EYS: variants seen among roughly 807,000 people sequenced by gnomAD.
EYS encodes the protein protein eyes shut homolog.
Under a neutral mutation model 282.1 loss-of-function variants are expected in EYS, and 250 were observed. The observed-to-expected ratio is 0.89, with a 90% confidence interval of 0.80 to 0.98. The LOEUF is 0.98. Among genes scored for constraint, EYS ranks in the 50% least tolerant of loss-of-function variants. EYS has a pLI of 0.00. For synonymous variants in EYS, 1,355 were observed against 1,282.9 expected (o/e 1.06, Z -1.20); for missense variants, 4,016 against 3,709.0 (o/e 1.08, Z -2.15).
intron 12 of EYS, among the ~76,000 whole-genome samples, chr6:65,118,109 T>G (rs1775431811): frequency 6.6e-6 from 1 of 152,206 alleles, no homozygotes; most frequent in Non-Finnish European, 1.5e-5. Context: ...GAAAGTTAAC[T>G]GAGATTCAAA....
chr6:64,264,912 A>G (rs1037848274), intron 30 of EYS, among the ~76,000 whole-genome samples: 3 of 152,102 alleles, frequency 2.0e-5, no homozygotes, highest in Non-Finnish European at 4.4e-5. Flanking sequence ...AAAAAACAAA[A>G]AAGAAAAGAG....
intron 26 of EYS, among the ~76,000 whole-genome samples, chr6:64,522,527 G>A (rs939875426): frequency 6.6e-6 from 1 of 151,680 alleles, no homozygotes; most frequent in Admixed American, 6.6e-5. Context: ...GAATGTATCT[G>A]TATGGTCTTT....
chr6:63,807,961 G>T (rs1770947530), intron 36 of EYS, among the ~76,000 whole-genome samples: 1 of 152,068 alleles, frequency 6.6e-6, no homozygotes, highest in African/African-American at 2.4e-5. Flanking sequence ...TACTAAAATA[G>T]AAAAGGAATG....
Position 64,081,836 on chromosome 6 carries a change from G to A in EYS, c.6571+20C>T, listed in dbSNP as rs755852518. ...GAGAAAGAAACATGACATACAAGAA[G>A]TCAAACATTTAATACTCACTGTAAA... On this transcript the variant is annotated intron_variant, in intron 32 of 42. Transcript: ENST00000503581. The A allele has an allele frequency of 7.6e-6, 11 of 1,455,458 alleles. No individual in the cohort carries two copies. In the African/African-American group the frequency reaches 1.0e-4, roughly 13 times the overall value. The allele number at this position is 1,455,458 out of a possible 1,614,324, so 90.2% of individuals were successfully genotyped here.
At chr6:64,804,480 C>A (rs1196878514) in intron 22 of EYS, among the ~76,000 whole-genome samples, 1 of 152,068 alleles carries the variant, frequency 6.6e-6, no homozygotes, top group East Asian at 1.9e-4. Flanking sequence ...GGTAATTATG[C>A]CAAACAAACT....
At chr6:65,112,680 C>A (rs945831990) in intron 12 of EYS, among the ~76,000 whole-genome samples, 6 of 152,086 alleles carry the variant, frequency 3.9e-5, no homozygotes, top group African/African-American at 7.2e-5. Context: ...TGTAGCAGTG[C>A]AGTTTCTGGG....
At chr6:65,136,703 C>T (rs539195379) in intron 12 of EYS, among the ~76,000 whole-genome samples, 13 of 152,022 alleles carry the variant, frequency 8.6e-5, no homozygotes, top group South Asian at 4.1e-4. Flanking sequence ...CTTCCTTTTT[C>T]GAGACAGGAT....
intron 13 of EYS, among the ~76,000 whole-genome samples, chr6:65,048,782 G>C (rs1245947796): frequency 6.6e-6 from 1 of 151,748 alleles, no homozygotes; most frequent in Non-Finnish European, 1.5e-5. Context: ...CTAGGAAACT[G>C]AACATCATTT....
At chr6:64,192,775 G>C (rs907979539) in intron 31 of EYS, among the ~76,000 whole-genome samples, 1 of 152,168 alleles carries the variant, frequency 6.6e-6, no homozygotes, top group Non-Finnish European at 1.5e-5. Context: ...TTTTAAGTCA[G>C]ACCCACTTGG....
At position 63,999,106 on chromosome 6, in the gene EYS, T is replaced by G. The variant is rs750887911; in HGVS notation, c.6803A>C (p.Lys2268Thr). ...MTADGKPPVQ[K>T]KDTEISHASQ... ...GGCATGGGAAATCTCTGTGTCTTTC[T>G]TCTGTACTGGAGGTTTTCCATCTGC... The change falls in exon 34 of 43, where the codon AAG becomes ACG. Residue 2268 changes from lysine (K) to threonine (T), a missense_variant. Transcript: ENST00000503581. 1 of 1,551,790 alleles carries G rather than the reference T, an allele frequency of 6.4e-7. No homozygotes were observed.
intron 35 of EYS, among the ~76,000 whole-genome samples, chr6:63,932,547 A>C (rs756134303): frequency 6.6e-6 from 1 of 151,982 alleles, no homozygotes; most frequent in Non-Finnish European, 1.5e-5. Flanking sequence ...GTCCTGTTCT[A>C]TTTCCTAATA....
intron 37 of EYS, among the ~76,000 whole-genome samples, chr6:63,795,777 G>A (rs768513562): frequency 1.7e-4 from 26 of 152,084 alleles, no homozygotes; most frequent in Admixed American, 1.2e-3. Flanking sequence ...TATATAGGAA[G>A]GAGGAAAAGA....
intron 23 of EYS, among the ~76,000 whole-genome samples, chr6:64,619,324 G>A (rs1767372693): frequency 2.0e-5 from 3 of 152,170 alleles, no homozygotes. Context: ...GATGGGAAGT[G>A]TAAAAGAAAA....
chr6:65,092,861 T>C (rs969729630), intron 12 of EYS, among the ~76,000 whole-genome samples: 4 of 152,110 alleles, frequency 2.6e-5, no homozygotes, highest in Admixed American at 2.0e-4. Context: ...AATATACACA[T>C]TGTGGGAGTC....
At chr6:64,435,664 GA>G (rs565441511) in intron 28 of EYS, among the ~76,000 whole-genome samples, 1 of 151,680 alleles carries the variant, frequency 6.6e-6, no homozygotes. Flanking sequence ...TGAGAAAAAG[GA>G]AAAGTTTACT....
chr6:65,253,557 C>T (rs498520), intron 12 of EYS, among the ~76,000 whole-genome samples: 58,592 of 151,504 alleles, frequency 0.39, 12,496 homozygotes, highest in African/African-American at 0.57. Flanking sequence ...ATGCATAAGA[C>T]TGAGATATTT....
intron 22 of EYS, among the ~76,000 whole-genome samples, chr6:64,653,960 A>G (rs964644203): frequency 2.0e-5 from 3 of 152,196 alleles, no homozygotes; most frequent in Non-Finnish European, 2.9e-5. Flanking sequence ...TCAAATAAGC[A>G]AATGTTGGAG....
intron 22 of EYS, among the ~76,000 whole-genome samples, chr6:64,771,579 T>C (rs1269191032): frequency 6.6e-6 from 1 of 151,826 alleles, no homozygotes; most frequent in Non-Finnish European, 1.5e-5. Flanking sequence ...TTTTAGTATG[T>C]AGGGCTTCAT....
At chr6:64,753,505 A>G (rs1772833097) in intron 22 of EYS, among the ~76,000 whole-genome samples, 1 of 124,722 alleles carries the variant, frequency 8.0e-6, no homozygotes, top group Non-Finnish European at 1.7e-5. Flanking sequence ...AAAAACAGTA[A>G]AAAAAAAAAA....
Sources: allele counts gnomAD v4.1 joint callset (sites outside exome capture counted in the v4.1 genomes callset), GRCh38; gene constraint gnomAD v4.1.1; transcripts MANE v1.5; gene names NCBI Gene and HGNC (gene_info 2026-07-23, HGNC 2026-07-21).